TREM1: variants seen among roughly 807,000 people sequenced by gnomAD.
TREM1 encodes triggering receptor expressed on monocytes 1.
A neutral mutation model predicts 22.4 loss-of-function variants in TREM1; 16 were observed. That is an observed-to-expected ratio of 0.71 (90% CI 0.48 to 1.08). TREM1 has a LOEUF of 1.08. Among genes scored for constraint, TREM1 ranks in the 50% least tolerant of loss-of-function variants. The pLI, the probability that TREM1 is intolerant of heterozygous loss-of-function variation, is 0.00. For missense variants in TREM1, 283 were observed against 282.9 expected (o/e 1.00, Z 0.00); for synonymous variants, 110 against 111.6 (o/e 0.99, Z 0.09).
intron 3 of TREM1, chr6:41,280,660 C>T (rs1398284753): frequency 1.4e-6 from 2 of 1,400,182 alleles, no homozygotes; most frequent in African/African-American, 1.4e-5. Flanking sequence ...CCATCAGGCC[C>T]CTGGGGTTGG....
downstream of TREM1, among the ~76,000 whole-genome samples, chr6:41,273,576 AT>A (rs1342675724): frequency 1.3e-5 from 2 of 152,258 alleles, no homozygotes; most frequent in Non-Finnish European, 2.9e-5. Context: ...ATCAGTCAAG[AT>A]AACAGCAAGA....
In TREM1 at chr6:41,282,400, G is replaced by C. The variant is rs1029589801; in HGVS notation, c.401C>G (p.Thr134Ser). The part of the protein sequence containing the change: ...MLFDRIRLVV[T>S]KGFSGTPGSN... The stretch of plus-strand genomic sequence containing the variant: ...CCAAGTCCCAGGCCACTCACCCTTG[G>C]TCACCACCAAGCGGATGCGATCGAA... Residue 134 changes from threonine to serine, a missense_variant, in exon 2 of 4, where the codon ACC (threonine) becomes AGC (serine). Thr to Ser is a moderately conservative substitution (Grantham distance 58, BLOSUM62 1). Coordinates refer to ENST00000244709, the MANE Select transcript of TREM1 (RefSeq NM_018643.5). 9 of 1,606,052 alleles carry C rather than the reference G, an allele frequency of 5.6e-6. No individual in the cohort carries two copies. The highest frequency in any genetic ancestry group is 7.7e-6 in the Non-Finnish European group (9 of 1,174,810).
intron 1 of TREM1, among the ~76,000 whole-genome samples, chr6:41,283,500 G>A (rs1464270140): frequency 1.3e-5 from 2 of 151,990 alleles, no homozygotes; most frequent in East Asian, 1.9e-4. Flanking sequence ...ACCTGAGGTC[G>A]GGAGTTCGAG....
rs1767635460 is a variant in TREM1 at position 41,275,619 on chromosome 6, T to C, written c.*506A>G. On this transcript the variant is annotated 3_prime_UTR_variant, in exon 4 of 4. Coordinates refer to ENST00000244709, the MANE Select transcript of TREM1 (RefSeq NM_018643.5). ...AGGTTCCACAATCTTCAACACCCTTTTCTGGGAGTGTTGGAAAGAACCACA... is the reference window on the plus strand; with the variant it reads ...AGGTTCCACAATCTTCAACACCCTTCTCTGGGAGTGTTGGAAAGAACCACA... The C allele has an allele frequency of 6.5e-6, 1 of 153,544 alleles. No homozygotes were observed. The highest frequency in any genetic ancestry group is 1.5e-5 in the Non-Finnish European group (1 of 68,910). The allele number at this position is 153,544 out of a possible 1,614,324, so 9.5% of individuals were successfully genotyped here.
chr6:41,268,219 C>T (rs1304436206), intron 3 of TREM1: 3 of 396,670 alleles, frequency 7.6e-6, no homozygotes, highest in Non-Finnish European at 8.9e-6. Context: ...ACAATCTGTA[C>T]GGGATGCTGC....
downstream of TREM1, among the ~76,000 whole-genome samples, chr6:41,271,456 C>A (rs140991629): frequency 6.8e-4 from 103 of 152,316 alleles, no homozygotes; most frequent in African/African-American, 2.1e-3. Flanking sequence ...TCTCCACATT[C>A]CCTTCTGTGC....
downstream of TREM1, among the ~76,000 whole-genome samples, chr6:41,273,483 C>A (rs899650859): frequency 1.1e-4 from 17 of 152,224 alleles, no homozygotes; most frequent in African/African-American, 3.4e-4. Flanking sequence ...GGATCAGACA[C>A]CCTGCAAGGA....
chr6:41,281,298 G>A (rs1032602878), intron 2 of TREM1, 145 bp from the exon 3 acceptor site: 1 of 957,152 alleles, frequency 1.0e-6, no homozygotes, highest in Non-Finnish European at 1.5e-6. Flanking sequence ...AGCTGAGGAG[G>A]GAAATGAGCA....
intron 3 of TREM1, chr6:41,268,114 T>C (rs1767379340): frequency 2.5e-6 from 1 of 398,526 alleles, no homozygotes; most frequent in Non-Finnish European, 4.4e-6. Context: ...GGGGAAATGA[T>C]TGGGTCAGGG....
At chr6:41,283,757 T>C (rs1561923758) in intron 1 of TREM1, among the ~76,000 whole-genome samples, 1 of 151,048 alleles carries the variant, frequency 6.6e-6, no homozygotes, top group African/African-American at 2.4e-5. Context: ...AAGTACCCCA[T>C]CTCCCTGCCA....
chr6:41,279,543 A>T, intron 3 of TREM1: 1 of 985,426 alleles, frequency 1.0e-6, no homozygotes, highest in Non-Finnish European at 1.2e-6. Context: ...TTAGTAGATC[A>T]TTCGTTTGAT....
Position 41,282,597 on chromosome 6 carries a change from T to C in TREM1, c.204A>G (p.Ala68=), listed in dbSNP as rs145423916. Residue 68 remains alanine (A), a synonymous_variant, in exon 2 of 4, where the codon GCA becomes GCG. Transcript: ENST00000244709. ...IRDGEMPKTL[A]CTERPSKNSH... ...AATTCTTTGAAGGCCTCTCTGTGCATGCCAGGGTCTTGGGCATCTCTCCGT... is the reference window on the plus strand; with the variant it reads ...AATTCTTTGAAGGCCTCTCTGTGCACGCCAGGGTCTTGGGCATCTCTCCGT... 7.4e-6 allele frequency: 12 copies of C among 1,614,124 alleles called. No homozygotes were observed. The African/African-American group carries it at 1.6e-4, about 22-fold the overall frequency.
downstream of TREM1, among the ~76,000 whole-genome samples, chr6:41,268,664 A>C (rs1369207910): frequency 6.6e-6 from 1 of 152,212 alleles, no homozygotes; most frequent in Non-Finnish European, 1.5e-5. Flanking sequence ...GCACTTCCCC[A>C]AGGTCACTAA....
chr6:41,268,886 C>T (rs542851981), downstream of TREM1, among the ~76,000 whole-genome samples: 2 of 152,052 alleles, frequency 1.3e-5, no homozygotes, highest in Non-Finnish European at 2.9e-5. Flanking sequence ...TGTCAGTGAC[C>T]GGGTATCCTT....
chr6:41,281,912 G>A (rs1012957069), intron 2 of TREM1: 2 of 163,128 alleles, frequency 1.2e-5, no homozygotes, highest in Admixed American at 5.6e-5. Context: ...CCCCCAAAAT[G>A]GGAGCCATGG....
At chr6:41,271,440 T>C (rs1767477412), downstream of TREM1, among the ~76,000 whole-genome samples, 3 of 152,188 alleles carry the variant, frequency 2.0e-5, no homozygotes, top group South Asian at 6.2e-4. Context: ...AGAACTCTTG[T>C]CTTCTTCTCC....
rs938050549 is a variant in TREM1 at position 41,273,701 on chromosome 6, G to T, written c.*2424C>A. Reference sequence around the variant, plus strand: ...TATGCTGAGGCTGGCAATAGTGGTGGGTCATTCCCACTGCTGGGCCTACAG... The same window carrying T: ...TATGCTGAGGCTGGCAATAGTGGTGTGTCATTCCCACTGCTGGGCCTACAG... On this transcript the variant is annotated 3_prime_UTR_variant, in exon 4 of 4. Transcript: ENST00000244709. 6.6e-6 allele frequency among the ~76,000 whole-genome samples: 1 copy of T among 152,212 alleles called. No individual in the cohort carries two copies. Among genetic ancestry groups the T allele is most frequent in the South Asian group, 2.1e-4 (1 of 4,828 alleles).
At chr6:41,282,123 G>A in intron 2 of TREM1, 2 of 378,586 alleles carry the variant, frequency 5.3e-6, no homozygotes, top group Non-Finnish European at 9.6e-6. Flanking sequence ...TCTAAGTGGA[G>A]AACAAAGAAT....
chr6:41,280,264 A>G (rs1421917189), intron 3 of TREM1: 1 of 979,620 alleles, frequency 1.0e-6, no homozygotes, highest in African/African-American at 1.8e-5. Context: ...ATCAACATTT[A>G]ATAACTGTAA....
Sources: gnomAD v4.1 joint callset for allele counts (sites outside exome capture counted in the v4.1 genomes callset) on GRCh38, gnomAD v4.1.1 for gene constraint, MANE v1.5 for transcripts, NCBI Gene and HGNC (gene_info 2026-07-23, HGNC 2026-07-21) for gene names.